The following USO1 variants were observed in gnomAD, a reference collection of about 807,000 sequenced individuals.
USO1 encodes the protein USO1 vesicle transport factor.
A neutral mutation model predicts 124.5 loss-of-function variants in USO1; 57 were observed. The observed-to-expected ratio is 0.46, with a 90% CI of 0.37 to 0.57. The LOEUF (loss-of-function observed/expected upper bound fraction) is 0.57. USO1 is among the 20% of genes least tolerant of loss of function. The probability of loss-of-function intolerance (pLI) is 0.00; values close to 1 mark genes in which losing one functional copy is unlikely to be tolerated. For missense variants in USO1, 900 were observed against 1,040.6 expected, an observed-to-expected ratio of 0.86 and a Z score of 1.86; for synonymous variants, 369 against 362.8, an observed-to-expected ratio of 1.02 and a Z score of -0.19.
chr4:75,724,813 C>G lies in USO1; in HGVS notation c.-7C>G. ...GGGGCCGGTAAACCTGGTGGCTGAA[C>G]GGCAAGATGAATTTCCTCCGCGGGG... On this transcript the variant is annotated 5_prime_UTR_variant, in exon 1 of 24. Transcript: ENST00000514213. The G allele has an allele frequency of 6.2e-7, 1 of 1,613,692 alleles. No individual in the cohort carries two copies. Among genetic ancestry groups the G allele is most frequent in the Non-Finnish European group, 8.5e-7 (1 of 1,179,796 alleles).
At position 75,726,494 on chromosome 4, in the gene USO1, G is replaced by A. The variant is rs572096510; in HGVS notation, c.66+1609G>A. On this transcript the variant is annotated intron_variant, in intron 1 of 23. Transcript: ENST00000514213. ...ACAGGCCTATAATCCCAGCTAAGGG[G>A]ATGCTAAGCCAGGAGGATCGCTTGA... Among the ~76,000 whole-genome samples, 139 of 151,578 alleles carry A rather than the reference G, an allele frequency of 9.2e-4. 1 individual carries two copies. Among genetic ancestry groups the A allele is most frequent in the African/African-American group, 3.2e-3 (134 of 41,320 alleles).
Position 75,805,180 on chromosome 4 carries a change from T to A in USO1, c.2166T>A (p.Ala722=), listed in dbSNP as rs35581996. 10,106 of 1,611,180 alleles carry A rather than the reference T, an allele frequency of 6.3e-3. 62 individuals carry two copies. Among genetic ancestry groups the A allele is most frequent in the South Asian group, 0.016 (1,489 of 90,530 alleles). ...NQHQGSYSEG[A]QMNGIQPEEI... ...ATCAAGGTTCTTACAGTGAGGGGGC[T>A]CAGATGAATGGCATTCAGCCAGAAG... The change falls in exon 19 of 24, where the codon GCT becomes GCA. Residue 722 remains alanine, a synonymous_variant. Coordinates refer to ENST00000514213, the MANE Select transcript of USO1 (RefSeq NM_003715.4).
Position 75,759,308 on chromosome 4 carries a change from A to G in USO1, c.295+1735A>G, listed in dbSNP as rs1411784033. 2.1e-5 allele frequency among the ~76,000 whole-genome samples: 3 copies of G among 142,200 alleles called. No homozygotes were observed. In the Admixed American group the frequency reaches 2.2e-4, roughly 10 times the overall value. The allele number at this position is 142,200 out of a possible 152,430, so 93.3% of individuals were successfully genotyped here. A position where few individuals can be genotyped will look rare whatever the true frequency, so the allele number is the denominator to read the frequency against. On this transcript the variant is annotated intron_variant, in intron 4 of 23. Coordinates refer to ENST00000514213, the MANE Select transcript of USO1 (RefSeq NM_003715.4). ...TGAAAGAGTCAGTTAAAAAGTAGAC[A>G]TTGGGCTGGGCGCGGTGGCTCGCGC...
intron 1 of USO1, among the ~76,000 whole-genome samples, chr4:75,741,638 T>C (rs1303802984): frequency 7.5e-6 from 1 of 133,894 alleles, no homozygotes; most frequent in Non-Finnish European, 1.6e-5. Context: ...ACAGTCTCGC[T>C]CTGTCAGCCA....
At chr4:75,734,004 A>G (rs1021432362) in intron 1 of USO1, among the ~76,000 whole-genome samples, 4 of 134,490 alleles carry the variant, frequency 3.0e-5, no homozygotes, top group African/African-American at 1.1e-4. Flanking sequence ...AGTGAGTGCA[A>G]TGGTGCGATT....
intron 1 of USO1, among the ~76,000 whole-genome samples, chr4:75,747,794 T>C (rs1721170321): frequency 2.0e-5 from 3 of 150,978 alleles, no homozygotes; most frequent in Admixed American, 1.3e-4. Context: ...TATTTTTTTT[T>C]TTAGTAGAGA....
chr4:75,744,940 C>T (rs757942240), intron 1 of USO1: 2 of 504,070 alleles, frequency 4.0e-6, no homozygotes, highest in South Asian at 1.5e-5. Flanking sequence ...AAGTTGAATT[C>T]CAAACAGTGA....
chr4:75,772,537 G>A (rs1046054482), intron 7 of USO1, among the ~76,000 whole-genome samples: 1 of 151,822 alleles, frequency 6.6e-6, no homozygotes, highest in Admixed American at 6.6e-5. Flanking sequence ...GCGCCCGGCC[G>A]AGAAGTACAT....
intron 7 of USO1, among the ~76,000 whole-genome samples, chr4:75,771,894 G>A (rs184433690): frequency 1.9e-4 from 29 of 152,254 alleles, no homozygotes; most frequent in African/African-American, 7.0e-4. Context: ...AAATTCTGGA[G>A]CTAGGAGATC....
intron 9 of USO1, among the ~76,000 whole-genome samples, chr4:75,786,783 A>ATG (rs1313369359): frequency 6.6e-6 from 1 of 152,226 alleles, no homozygotes; most frequent in African/African-American, 2.4e-5. Flanking sequence ...ATGTACTGTT[A>ATG]CAAGTACTAT....
chr4:75,804,375 C>G, intron 18 of USO1, 103 bp downstream of exon 18: 1 of 1,421,702 alleles, frequency 7.0e-7, no homozygotes. Flanking sequence ...TTTTTCTAAC[C>G]TTAATCATGG....
chr4:75,793,669 G>T (rs776766782), intron 12 of USO1, 21 bp from the exon 13 acceptor site: 37 of 1,579,408 alleles, frequency 2.3e-5, no homozygotes, highest in African/African-American at 1.4e-5. Flanking sequence ...TATTTTTATT[G>T]TCTGCCTGCC....
At chr4:75,781,725 T>C (rs548985871) in intron 8 of USO1, among the ~76,000 whole-genome samples, 1 of 151,686 alleles carries the variant, frequency 6.6e-6, no homozygotes, top group East Asian at 2.0e-4. Context: ...ACTTTTTCTA[T>C]AAGCCTAAAA....
intron 12 of USO1, among the ~76,000 whole-genome samples, chr4:75,791,536 T>G (rs1020705497): frequency 6.6e-6 from 1 of 151,964 alleles, no homozygotes; most frequent in Non-Finnish European, 1.5e-5. Context: ...AAATAAAAAT[T>G]AAGAAAAAGA....
At chr4:75,737,534 A>G (rs898744036) in intron 1 of USO1, among the ~76,000 whole-genome samples, 3 of 34,482 alleles carry the variant, frequency 8.7e-5, no homozygotes, top group African/African-American at 7.6e-4. Context: ...TTTTCAAGAA[A>G]AGATACAAAT....
At chr4:75,778,204 G>A (rs997534570) in intron 8 of USO1, among the ~76,000 whole-genome samples, 50 of 152,214 alleles carry the variant, frequency 3.3e-4, no homozygotes, top group Middle Eastern at 6.8e-3. Context: ...AAACTTAACC[G>A]CTAATAGACT....
At chr4:75,800,198 A>T (rs1250046598) in intron 14 of USO1, among the ~76,000 whole-genome samples, 153 bp from the exon 15 acceptor site, 1 of 152,108 alleles carries the variant, frequency 6.6e-6, no homozygotes, top group Non-Finnish European at 1.5e-5. Flanking sequence ...TGGCCTCCCA[A>T]AGTGCTGAGA....
chr4:75,782,389 A>G (rs1722244842), intron 8 of USO1, among the ~76,000 whole-genome samples: 1 of 152,218 alleles, frequency 6.6e-6, no homozygotes, highest in Non-Finnish European at 1.5e-5. Flanking sequence ...CTAGTCCTGT[A>G]GTCTTGGTAA....
intron 4 of USO1, among the ~76,000 whole-genome samples, chr4:75,765,552 TCA>T (rs1242358858): frequency 6.6e-6 from 1 of 152,028 alleles, no homozygotes; most frequent in African/African-American, 2.4e-5. Context: ...TCCAATTTTT[TCA>T]CAGTCTCCTT....
Sources: gnomAD v4.1 joint callset for allele counts (sites outside exome capture counted in the v4.1 genomes callset) on GRCh38, gnomAD v4.1.1 for gene constraint, MANE v1.5 for transcripts, NCBI Gene and HGNC (gene_info 2026-07-23, HGNC 2026-07-21) for gene names.